The following C10orf62 variants were observed in gnomAD, a reference collection of about 807,000 sequenced individuals.
C10orf62 encodes chromosome 10 open reading frame 62.
For missense variants in C10orf62, 279 were observed against 281.9 expected (o/e 0.99, Z 0.07); for synonymous variants, 94 against 109.7 (o/e 0.86, Z 0.89).
In C10orf62 at chr10:97,589,755, A is replaced by C; in HGVS notation, c.-143A>C. On this transcript the variant is annotated 5_prime_UTR_variant, in exon 1 of 1. Coordinates refer to ENST00000370640, the MANE Select transcript of C10orf62 (RefSeq NM_001009997.3). ...TGGGGAGCCTGCCCTTTCAAGCATGAATCATACCACCAGAGATCACCCAGC... is the reference window on the plus strand; with the variant it reads ...TGGGGAGCCTGCCCTTTCAAGCATGCATCATACCACCAGAGATCACCCAGC... 1.4e-6 allele frequency: 1 copy of C among 695,022 alleles called. No homozygotes were observed. Among genetic ancestry groups the C allele is most frequent in the Middle Eastern group, 4.1e-4 (1 of 2,424 alleles). 43.1% of individuals were successfully genotyped at this position (695,022 alleles called of 1,614,324 possible).
rs371440500 is a variant in C10orf62 at position 97,590,107 on chromosome 10, C to T, written c.210C>T (p.Ser70=). ...CTGAGAGTGGGAGTGAAGAGGTCAG[C>T]TCCACGGTTCACATAGAGACCTTCA... The part of the protein sequence containing the change: ...TQTESGSEEV[S]STVHIETFTT... Residue 70 remains serine, a synonymous_variant, in exon 1 of 1, where the codon AGC becomes AGT. Coordinates refer to ENST00000370640, the MANE Select transcript of C10orf62 (RefSeq NM_001009997.3). 3.1e-6 allele frequency: 5 copies of T among 1,614,024 alleles called. No individual in the cohort carries two copies. Among genetic ancestry groups the T allele is most frequent in the Non-Finnish European group, 4.2e-6 (5 of 1,180,042 alleles).
Position 97,590,185 on chromosome 10 carries a change from C to A in C10orf62, c.288C>A (p.Ser96Arg). Reference protein sequence around the residue: ...GSALHRESFTSRQKTSGPSVI... With the variant: ...GSALHRESFTRRQKTSGPSVI... The stretch of plus-strand genomic sequence containing the variant: ...CTCTGCACCGGGAATCCTTCACCAG[C>A]AGGCAGAAGACATCTGGGCCCTCAG... The change falls in exon 1 of 1, where the codon AGC becomes AGA. Residue 96 changes from serine (S) to arginine (R), a missense_variant. Physicochemically the swap from Ser to Arg is moderately radical, Grantham distance 110 (BLOSUM62 -1). Transcript: ENST00000370640. 1 of 1,614,074 alleles carries A rather than the reference C, an allele frequency of 6.2e-7. No homozygotes were observed. Among genetic ancestry groups the A allele is most frequent in the Non-Finnish European group, 8.5e-7 (1 of 1,180,034 alleles).
At position 97,589,837 on chromosome 10, in the gene C10orf62, C is replaced by G. The variant is rs2041003515; in HGVS notation, c.-61C>G. ...TCCTGGAGACCTTCTTGGAGCTCAT[C>G]CAGCAGCCATCATGCAAGGTGGTGC... On this transcript the variant is annotated 5_prime_UTR_variant, in exon 1 of 1. In the 5' UTR this introduces an upstream ATG that the reference lacks. Transcript: ENST00000370640. 1 of 1,358,854 alleles carries G rather than the reference C, an allele frequency of 7.4e-7. No individual in the cohort carries two copies. The allele number at this position is 1,358,854 out of a possible 1,614,324, so 84.2% of individuals were successfully genotyped here.
In C10orf62 at chr10:97,590,532, G is replaced by A. The variant is rs138868436; in HGVS notation, c.635G>A (p.Ser212Asn). ...CACCACAGTCACCATGGCCACCCAA[G>A]CCACCAGAGCCACAGCCTGCCTAAT... Reference protein sequence around the residue: ...HSHHSHHGHPSHQSHSLPNRR... With the variant: ...HSHHSHHGHPNHQSHSLPNRR... The change falls in exon 1 of 1, where the codon AGC becomes AAC. Residue 212 changes from serine (S) to asparagine (N), a missense_variant. Physicochemically the swap from Ser to Asn is conservative, Grantham distance 46 (BLOSUM62 1). Transcript: ENST00000370640. 40 of 1,612,204 alleles carry A rather than the reference G, an allele frequency of 2.5e-5. No homozygotes were observed. In the African/African-American group the frequency reaches 5.3e-4, roughly 22 times the overall value.
Position 97,590,558 on chromosome 10 carries a change from C to T in C10orf62, c.661C>T (p.Arg221Cys), listed in dbSNP as rs768062465. ...PSHQSHSLPN[R>C]RH The stretch of plus-strand genomic sequence containing the variant: ...CCACCAGAGCCACAGCCTGCCTAAT[C>T]GCAGACACTAGATCTGTGACTTCTT... The change falls in exon 1 of 1, where the codon CGC becomes TGC. Residue 221 changes from arginine (R) to cysteine (C), a missense_variant. Transcript: ENST00000370640. 9.9e-6 allele frequency: 16 copies of T among 1,611,404 alleles called. No individual in the cohort carries two copies. Among genetic ancestry groups the T allele is most frequent in the Admixed American group, 3.3e-5 (2 of 59,998 alleles).
chr10:97,589,725 A>T lies in C10orf62; in HGVS notation c.-173A>T. The T allele has an allele frequency of 1.6e-6, 1 of 622,454 alleles. No individual in the cohort carries two copies. Among genetic ancestry groups the T allele is most frequent in the South Asian group, 2.0e-5 (1 of 49,902 alleles). 38.6% of individuals were successfully genotyped at this position (622,454 alleles called of 1,614,324 possible). A position where few individuals can be genotyped will look rare whatever the true frequency, so the allele number is the denominator to read the frequency against. ...GCAGCAGGGGGCCTGCCTGTCAGAC[A>T]TCCTTGGGGAGCCTGCCCTTTCAAG... On this transcript the variant is annotated 5_prime_UTR_variant, in exon 1 of 1. Coordinates refer to ENST00000370640, the MANE Select transcript of C10orf62 (RefSeq NM_001009997.3).
chr10:97,590,578 C>G lies in C10orf62; in HGVS notation c.*9C>G, dbSNP rs764490449. The stretch of plus-strand genomic sequence containing the variant: ...CTAATCGCAGACACTAGATCTGTGA[C>G]TTCTTGGAAGCCACCTAACCATGGA... On this transcript the variant is annotated 3_prime_UTR_variant, in exon 1 of 1. Coordinates refer to ENST00000370640, the MANE Select transcript of C10orf62 (RefSeq NM_001009997.3). The G allele has an allele frequency of 2.5e-6, 4 of 1,605,302 alleles. No individual in the cohort carries two copies. The Admixed American group carries it at 5.0e-5, about 20-fold the overall frequency.
In C10orf62 at chr10:97,589,932, A is replaced by T; in HGVS notation, c.35A>T (p.Glu12Val). Residue 12 changes from glutamate (E) to valine (V), a missense_variant, in exon 1 of 1, where the codon GAA (glutamate) becomes GTA (valine). Coordinates refer to ENST00000370640, the MANE Select transcript of C10orf62 (RefSeq NM_001009997.3). The part of the protein sequence containing the change: ...LWVQRKRRRK[E>V]TSECPSDKDK... ...GTTCAGAGAAAGAGGAGAAGAAAGG[A>T]AACCTCTGAGTGTCCATCAGACAAG... 6.2e-7 allele frequency: 1 copy of T among 1,613,788 alleles called. No homozygotes were observed. Among genetic ancestry groups the T allele is most frequent in the Non-Finnish European group, 8.5e-7 (1 of 1,179,804 alleles).
rs753536393 is a variant in C10orf62 at position 97,590,052 on chromosome 10, A to G, written c.155A>G (p.Asn52Ser). 5.6e-6 allele frequency: 9 copies of G among 1,614,158 alleles called. No homozygotes were observed. The highest frequency in any genetic ancestry group is 7.6e-6 in the Non-Finnish European group (9 of 1,180,014). Residue 52 changes from asparagine (N) to serine (S), a missense_variant, in exon 1 of 1, where the codon AAT (asparagine) becomes AGT (serine). Physicochemically the swap from Asn to Ser is conservative, Grantham distance 46 (BLOSUM62 1). Transcript: ENST00000370640. ...LSEEKLALDN[N>S]ASASGNATQT... The stretch of plus-strand genomic sequence containing the variant: ...GAAGAGAAGCTGGCCCTCGACAACA[A>G]TGCCAGCGCTAGTGGCAATGCTACC...
chr10:97,590,748 A>T lies in C10orf62; in HGVS notation c.*179A>T. The T allele has an allele frequency of 3.1e-6, 2 of 640,142 alleles. No individual in the cohort carries two copies. Among genetic ancestry groups the T allele is most frequent in the Non-Finnish European group, 5.5e-6 (2 of 362,270 alleles). 39.7% of individuals were successfully genotyped at this position (640,142 alleles called of 1,614,324 possible). ...CTCACGGGGATTATGGGCTCTTTAA[A>T]CTCCATGAGTGGGGTCTGCCACAGA... On this transcript the variant is annotated 3_prime_UTR_variant, in exon 1 of 1. Coordinates refer to ENST00000370640, the MANE Select transcript of C10orf62 (RefSeq NM_001009997.3).
chr10:97,590,445 T>C lies in C10orf62; in HGVS notation c.548T>C (p.Leu183Pro), dbSNP rs910224589. ...EVEMKLQKNF[L>P]TQRENTIAGA... Reference sequence around the variant, plus strand: ...GAGATGAAGCTGCAAAAGAATTTCCTCACCCAGCGGGAAAACACCATAGCT... The same window carrying C: ...GAGATGAAGCTGCAAAAGAATTTCCCCACCCAGCGGGAAAACACCATAGCT... The change falls in exon 1 of 1, where the codon CTC becomes CCC. Residue 183 changes from leucine (L) to proline (P), a missense_variant. Physicochemically the swap from Leu to Pro is moderately conservative, Grantham distance 98 (BLOSUM62 -3). Transcript: ENST00000370640. 2 of 1,613,792 alleles carry C rather than the reference T, an allele frequency of 1.2e-6. No homozygotes were observed. The highest frequency in any genetic ancestry group is 2.7e-5 in the African/African-American group (2 of 74,910).
Position 97,590,656 on chromosome 10 carries a change from C to T in C10orf62, c.*87C>T, listed in dbSNP as rs373311969. On this transcript the variant is annotated 3_prime_UTR_variant, in exon 1 of 1. Transcript: ENST00000370640. ...TGGCTCACACACACGTCTGTTTTCTCTCCTATGGGGCCATCTATGCAGGCC... is the reference window on the plus strand; with the variant it reads ...TGGCTCACACACACGTCTGTTTTCTTTCCTATGGGGCCATCTATGCAGGCC... The T allele has an allele frequency of 6.7e-6, 9 of 1,341,010 alleles. No homozygotes were observed. The African/African-American group carries it at 1.3e-4, about 19-fold the overall frequency. The allele number at this position is 1,341,010 out of a possible 1,614,324, so 83.1% of individuals were successfully genotyped here. A position where few individuals can be genotyped will look rare whatever the true frequency, so the allele number is the denominator to read the frequency against.
chr10:97,590,384 A>T lies in C10orf62; in HGVS notation c.487A>T (p.Ile163Phe). 1.2e-6 allele frequency: 2 copies of T among 1,614,120 alleles called. No homozygotes were observed. Among genetic ancestry groups the T allele is most frequent in the Admixed American group, 3.3e-5 (2 of 60,022 alleles). Residue 163 changes from isoleucine to phenylalanine, a missense_variant, in exon 1 of 1, where the codon ATC becomes TTC. By Grantham distance (21) the Ile-to-Phe change is conservative (BLOSUM62 0). Coordinates refer to ENST00000370640, the MANE Select transcript of C10orf62 (RefSeq NM_001009997.3). ...QHSGHLESKDINQEELRALEE... is the reference protein window; with the variant it reads ...QHSGHLESKDFNQEELRALEE... ...CTCAGGTCACCTAGAGTCCAAGGACATCAACCAGGAGGAGCTGAGGGCCCT... is the reference window on the plus strand; with the variant it reads ...CTCAGGTCACCTAGAGTCCAAGGACTTCAACCAGGAGGAGCTGAGGGCCCT...
rs1419030884 is a variant in C10orf62 at position 97,590,521 on chromosome 10, T to C, written c.624T>C (p.His208=). The change falls in exon 1 of 1, where the codon CAT becomes CAC. Residue 208 remains histidine, a synonymous_variant. Transcript: ENST00000370640. ...ATGGCCACAGTCACCACAGTCACCA[T>C]GGCCACCCAAGCCACCAGAGCCACA... ...TFYGHSHHSH[H]GHPSHQSHSL... 6.2e-7 allele frequency: 1 copy of C among 1,612,586 alleles called. No individual in the cohort carries two copies. The highest frequency in any genetic ancestry group is 8.5e-7 in the Non-Finnish European group (1 of 1,179,982).
Position 97,590,045 on chromosome 10 carries a change from G to T in C10orf62, c.148G>T (p.Asp50Tyr), listed in dbSNP as rs148949699. ...SRLSEEKLALDNNASASGNAT... is the reference protein window; with the variant it reads ...SRLSEEKLALYNNASASGNAT... ...CCTTTCCGAAGAGAAGCTGGCCCTC[G>T]ACAACAATGCCAGCGCTAGTGGCAA... Residue 50 changes from aspartate (D) to tyrosine (Y), a missense_variant, in exon 1 of 1, where the codon GAC becomes TAC. Coordinates refer to ENST00000370640, the MANE Select transcript of C10orf62 (RefSeq NM_001009997.3). The T allele has an allele frequency of 3.1e-6, 5 of 1,614,092 alleles. No individual in the cohort carries two copies. Among genetic ancestry groups the T allele is most frequent in the Non-Finnish European group, 4.2e-6 (5 of 1,180,014 alleles).
chr10:97,590,319 T>C lies in C10orf62; in HGVS notation c.422T>C (p.Leu141Pro). Reference sequence around the variant, plus strand: ...GAGATTGACACCCAGGGGCGGCACCTGGCTCACTCCATGCTGCAGCGGGCC... The same window carrying C: ...GAGATTGACACCCAGGGGCGGCACCCGGCTCACTCCATGCTGCAGCGGGCC... The part of the protein sequence containing the change: ...TKEIDTQGRH[L>P]AHSMLQRAIA... Residue 141 changes from leucine (L) to proline (P), a missense_variant, in exon 1 of 1, where the codon CTG becomes CCG. Coordinates refer to ENST00000370640, the MANE Select transcript of C10orf62 (RefSeq NM_001009997.3). 6.2e-7 allele frequency: 1 copy of C among 1,613,842 alleles called. No individual in the cohort carries two copies. The highest frequency in any genetic ancestry group is 8.5e-7 in the Non-Finnish European group (1 of 1,180,000).
At position 97,589,736 on chromosome 10, in the gene C10orf62, G is replaced by A; in HGVS notation, c.-162G>A. 1 of 650,826 alleles carries A rather than the reference G, an allele frequency of 1.5e-6. No individual in the cohort carries two copies. Among genetic ancestry groups the A allele is most frequent in the Non-Finnish European group, 2.7e-6 (1 of 368,974 alleles). The allele number at this position is 650,826 out of a possible 1,614,324, so 40.3% of individuals were successfully genotyped here. A position where few individuals can be genotyped will look rare whatever the true frequency, so the allele number is the denominator to read the frequency against. Reference sequence around the variant, plus strand: ...CCTGCCTGTCAGACATCCTTGGGGAGCCTGCCCTTTCAAGCATGAATCATA... The same window carrying A: ...CCTGCCTGTCAGACATCCTTGGGGAACCTGCCCTTTCAAGCATGAATCATA... On this transcript the variant is annotated 5_prime_UTR_variant, in exon 1 of 1. Coordinates refer to ENST00000370640, the MANE Select transcript of C10orf62 (RefSeq NM_001009997.3).
Position 97,590,821 on chromosome 10 carries a change from G to C in C10orf62, c.*252G>C, listed in dbSNP as rs1300683957. On this transcript the variant is annotated 3_prime_UTR_variant, in exon 1 of 1. Coordinates refer to ENST00000370640, the MANE Select transcript of C10orf62 (RefSeq NM_001009997.3). The stretch of plus-strand genomic sequence containing the variant: ...AGCTGGGAGGACACAGCGCAGGTGA[G>C]ATAGACCCTGAGGCCCCTGAAGACC... 5 of 573,826 alleles carry C rather than the reference G, an allele frequency of 8.7e-6. No individual in the cohort carries two copies. The highest frequency in any genetic ancestry group is 1.6e-5 in the Non-Finnish European group (5 of 315,016). The allele number at this position is 573,826 out of a possible 1,614,324, so 35.5% of individuals were successfully genotyped here. A position where few individuals can be genotyped will look rare whatever the true frequency, so the allele number is the denominator to read the frequency against.
At position 97,589,938 on chromosome 10, in the gene C10orf62, C is replaced by A. The variant is rs1200454377; in HGVS notation, c.41C>A (p.Ser14Tyr). 1.2e-6 allele frequency: 2 copies of A among 1,614,054 alleles called. No homozygotes were observed. The highest frequency in any genetic ancestry group is 3.3e-5 in the Admixed American group (2 of 60,020). Residue 14 changes from serine to tyrosine, a missense_variant, in exon 1 of 1, where the codon TCT becomes TAT. Ser to Tyr is a moderately radical substitution (Grantham distance 144, BLOSUM62 -2). Transcript: ENST00000370640. Reference protein sequence around the residue: ...VQRKRRRKETSECPSDKDKSP... With the variant: ...VQRKRRRKETYECPSDKDKSP... ...AGAAAGAGGAGAAGAAAGGAAACCT[C>A]TGAGTGTCCATCAGACAAGGACAAG... is the stretch of plus-strand genomic sequence containing the variant.
Sources: allele counts gnomAD v4.1 joint callset, GRCh38; gene constraint gnomAD v4.1.1; transcripts MANE v1.5; gene names NCBI Gene and HGNC (gene_info 2026-07-23, HGNC 2026-07-21).